NRG3: variants seen among roughly 807,000 people sequenced by gnomAD.
The protein encoded by NRG3 is neuregulin 3.
Under a neutral mutation model 66.9 loss-of-function variants are expected in NRG3, and 31 were observed. The ratio of observed to expected loss-of-function variants is 0.46; its 90% CI spans 0.35 to 0.63. The LOEUF (loss-of-function observed/expected upper bound fraction) is 0.63. Ranked by LOEUF, NRG3 falls within the 20% of genes least tolerant of loss-of-function variation. The pLI, the probability that NRG3 is intolerant of heterozygous loss-of-function variation, is 0.00. For missense variants in NRG3, 910 were observed against 878.9 expected (o/e 1.04, Z -0.45); for synonymous variants, 393 against 359.4 (o/e 1.09, Z -1.06).
At position 82,470,714 on chromosome 10, in the gene NRG3, T is replaced by G. The variant is rs551183253; in HGVS notation, c.953+111846T>G. 1.2e-3 allele frequency among the ~76,000 whole-genome samples: 181 copies of G among 152,344 alleles called. 1 individual carries two copies. The highest frequency in any genetic ancestry group is 4.1e-4 in the Non-Finnish European group (28 of 68,022). On this transcript the variant is annotated intron_variant, in intron 2 of 8. Coordinates refer to ENST00000372141, the MANE Select transcript of NRG3 (RefSeq NM_001010848.4). ...CTCTGGCAATGGTCACATTTGCTGT[T>G]AGCTCCAGCTCTGGTTGCTGTCCTG... is the stretch of plus-strand genomic sequence containing the variant.
chr10:82,456,532 A>G (rs2091276080), intron 2 of NRG3, among the ~76,000 whole-genome samples: 2 of 152,070 alleles, frequency 1.3e-5, no homozygotes, highest in South Asian at 2.1e-4. Flanking sequence ...AGAATCATCA[A>G]TGCATCACTA....
chr10:82,219,598 T>C (rs1427344967), intron 1 of NRG3, among the ~76,000 whole-genome samples: 3 of 152,158 alleles, frequency 2.0e-5, no homozygotes, highest in Non-Finnish European at 2.9e-5. Flanking sequence ...TCTGGCCAAA[T>C]AGTGTATCAT....
At chr10:82,021,701 T>C (rs928420245) in intron 1 of NRG3, among the ~76,000 whole-genome samples, 2 of 152,002 alleles carry the variant, frequency 1.3e-5, no homozygotes, top group Non-Finnish European at 2.9e-5. Context: ...TGTTATTGAA[T>C]TGAAGCAAGA....
intron 2 of NRG3, among the ~76,000 whole-genome samples, chr10:82,493,147 GGTACATGTCTAGGAT>G (rs1176645054): frequency 6.6e-6 from 1 of 151,902 alleles, no homozygotes; most frequent in Non-Finnish European, 1.5e-5. Flanking sequence ...TAAGTTCTGA[GGTACATGTCTAGGAT>G]GTGCAGGTTT....
chr10:82,123,448 C>T (rs1317480423), intron 1 of NRG3, among the ~76,000 whole-genome samples: 1 of 152,158 alleles, frequency 6.6e-6, no homozygotes, highest in African/African-American at 2.4e-5. Context: ...CCCACTCTTT[C>T]TCAGTTTATG....
At chr10:82,165,836 C>A (rs2072004555) in intron 1 of NRG3, among the ~76,000 whole-genome samples, 1 of 151,684 alleles carries the variant, frequency 6.6e-6, no homozygotes, top group Non-Finnish European at 1.5e-5. Flanking sequence ...TGAAAAAATT[C>A]TCAATATTCC....
chr10:82,342,533 G>A (rs2082735969), intron 1 of NRG3, among the ~76,000 whole-genome samples: 1 of 151,962 alleles, frequency 6.6e-6, no homozygotes, highest in African/African-American at 2.4e-5. Context: ...TGTTGAGAAT[G>A]TTTTTAATAT....
chr10:82,927,152 T>C (rs75714478), intron 4 of NRG3, among the ~76,000 whole-genome samples: 1 of 152,262 alleles, frequency 6.6e-6, no homozygotes, highest in African/African-American at 2.4e-5. Flanking sequence ...GCTCTAATCA[T>C]AGGTGCCGCA....
intron 2 of NRG3, among the ~76,000 whole-genome samples, chr10:82,531,401 CAT>C (rs1847248256): frequency 6.6e-6 from 1 of 151,596 alleles, no homozygotes; most frequent in Admixed American, 6.6e-5. Context: ...AATGACAAAA[CAT>C]TTTTTGTTAT....
At chr10:82,363,595 A>T (rs1462561951) in intron 2 of NRG3, among the ~76,000 whole-genome samples, 2 of 152,140 alleles carry the variant, frequency 1.3e-5, no homozygotes, top group Non-Finnish European at 2.9e-5. Context: ...AGCTGGGACT[A>T]CAGGCACCTG....
intron 2 of NRG3, among the ~76,000 whole-genome samples, chr10:82,493,522 G>T (rs1199638548): frequency 2.0e-5 from 3 of 152,084 alleles, no homozygotes; most frequent in Admixed American, 2.0e-4. Flanking sequence ...TCTTTATCCA[G>T]TCTATCACTG....
chr10:82,284,037 A>T (rs992501801), intron 1 of NRG3, among the ~76,000 whole-genome samples: 1 of 152,236 alleles, frequency 6.6e-6, no homozygotes, highest in Non-Finnish European at 1.5e-5. Flanking sequence ...ATATACTTTT[A>T]TAATGAGTTG....
At chr10:82,037,364 G>A (rs1316553926) in intron 1 of NRG3, among the ~76,000 whole-genome samples, 1 of 152,090 alleles carries the variant, frequency 6.6e-6, no homozygotes, top group African/African-American at 2.4e-5. Context: ...TTTGAAGTCT[G>A]GTCTCCATGG....
At chr10:82,920,552 C>T (rs2132059675) in intron 4 of NRG3, among the ~76,000 whole-genome samples, 1 of 152,074 alleles carries the variant, frequency 6.6e-6, no homozygotes, top group East Asian at 1.9e-4. Flanking sequence ...GCAACGACAC[C>T]CCAGTATCTA....
chr10:82,798,527 T>C (rs75933465), intron 3 of NRG3, among the ~76,000 whole-genome samples: 4,617 of 152,198 alleles, frequency 0.03, 202 homozygotes, highest in African/African-American at 0.1. Flanking sequence ...GCCAGAAAAC[T>C]GAATCAAAAG....
intron 1 of NRG3, among the ~76,000 whole-genome samples, chr10:81,910,324 TA>T (rs1287387135): frequency 3.9e-5 from 6 of 152,168 alleles, no homozygotes; most frequent in Non-Finnish European, 7.3e-5. Flanking sequence ...TGCAAGAAGG[TA>T]GCAAACCCCC....
intron 2 of NRG3, among the ~76,000 whole-genome samples, chr10:82,544,430 C>T (rs1362340986): frequency 6.6e-6 from 1 of 152,110 alleles, no homozygotes; most frequent in African/African-American, 2.4e-5. Context: ...ATCCATTTCC[C>T]CTGCCCTACA....
At chr10:82,512,716 T>C (rs1350427741) in intron 2 of NRG3, among the ~76,000 whole-genome samples, 8 of 152,206 alleles carry the variant, frequency 5.3e-5, no homozygotes, top group Admixed American at 5.2e-4. Flanking sequence ...CGGTAGATTT[T>C]TTTCCTTGCT....
intron 2 of NRG3, among the ~76,000 whole-genome samples, chr10:82,506,492 G>A (rs1844692806): frequency 6.6e-6 from 1 of 151,906 alleles, no homozygotes; most frequent in Non-Finnish European, 1.5e-5. Context: ...GCCACTGCTT[G>A]GGGCTTTCCT....
Sources: gnomAD v4.1 joint callset for allele counts (sites outside exome capture counted in the v4.1 genomes callset) on GRCh38, gnomAD v4.1.1 for gene constraint, MANE v1.5 for transcripts, NCBI Gene and HGNC (gene_info 2026-07-23, HGNC 2026-07-21) for gene names.